The following JAK1 variants were observed in gnomAD, a reference collection of about 807,000 sequenced individuals.
JAK1 encodes tyrosine-protein kinase JAK1.
Under a neutral mutation model 136.6 loss-of-function variants are expected in JAK1, and 16 were observed. The observed-to-expected ratio is 0.12, with a 90% CI of 0.08 to 0.18. The LOEUF (loss-of-function observed/expected upper bound fraction) is 0.18, where lower values mean the gene tolerates loss of function less well. Among genes scored for constraint, JAK1 ranks in the 10% least tolerant of loss-of-function variants. The pLI, the probability that JAK1 is intolerant of heterozygous loss-of-function variation, is 1.00. For synonymous variants in JAK1, 492 were observed against 519.5 expected (o/e 0.95, Z 0.72); for missense variants, 859 against 1,450.1 (o/e 0.59, Z 6.62).
intron 12 of JAK1, among the ~76,000 whole-genome samples, chr1:64,850,520 C>T (rs1332408928): frequency 6.6e-6 from 1 of 152,218 alleles, no homozygotes; most frequent in Non-Finnish European, 1.5e-5. Flanking sequence ...CCACCTCCTG[C>T]CCTGCCACCC....
At chr1:65,052,820 T>C (rs1557776315) in intron 1 of JAK1, among the ~76,000 whole-genome samples, 1 of 132,778 alleles carries the variant, frequency 7.5e-6, no homozygotes, top group African/African-American at 3.0e-5. Flanking sequence ...AACACTCCAG[T>C]CTGGGCACTC....
At chr1:64,956,582 T>C (rs1646192130) in intron 1 of JAK1, among the ~76,000 whole-genome samples, 2 of 152,232 alleles carry the variant, frequency 1.3e-5, no homozygotes, top group Non-Finnish European at 2.9e-5. Flanking sequence ...ATTGCACTTA[T>C]CACCACCTGA....
intron 2 of JAK1, among the ~76,000 whole-genome samples, chr1:64,996,422 T>C (rs1184724883): frequency 6.6e-6 from 1 of 152,238 alleles, no homozygotes; most frequent in African/African-American, 2.4e-5. Context: ...CCCCATATTA[T>C]AGATACAGTG....
chr1:65,018,487 AAC>A (rs556710090), intron 2 of JAK1, among the ~76,000 whole-genome samples: 669 of 95,434 alleles, frequency 7.0e-3, no homozygotes, highest in South Asian at 0.013. Context: ...AGAGAGAGAG[AAC>A]ACACACACAC....
chr1:65,032,782 T>C (rs1443645541), intron 2 of JAK1, among the ~76,000 whole-genome samples: 1 of 152,204 alleles, frequency 6.6e-6, no homozygotes, highest in Non-Finnish European at 1.5e-5. Flanking sequence ...TCTATTTCTC[T>C]ATGTTAGACT....
intron 1 of JAK1, among the ~76,000 whole-genome samples, chr1:64,925,365 C>T (rs1645566327): frequency 6.6e-6 from 1 of 152,074 alleles, no homozygotes; most frequent in Non-Finnish European, 1.5e-5. Context: ...CATTGCACAC[C>T]AGCCTGGGAG....
At chr1:64,899,701 T>A (rs554635583) in intron 1 of JAK1, among the ~76,000 whole-genome samples, 4 of 152,214 alleles carry the variant, frequency 2.6e-5, no homozygotes, top group Non-Finnish European at 5.9e-5. Flanking sequence ...CCCAAAAATC[T>A]GAAATCTGAA....
At chr1:64,929,815 T>C (rs1356169162) in intron 1 of JAK1, among the ~76,000 whole-genome samples, 1 of 152,178 alleles carries the variant, frequency 6.6e-6, no homozygotes, top group Non-Finnish European at 1.5e-5. Context: ...AACGGCATGG[T>C]ACTATTACCA....
intron 14 of JAK1, 51 bp downstream of exon 14, chr1:64,846,598 C>G (rs1262870783): frequency 7.1e-7 from 1 of 1,398,738 alleles, no homozygotes. Context: ...CTCCACAGCA[C>G]CCAAGCTCCC....
In JAK1 at chr1:64,833,476, G is replaced by GAATC. The variant is rs1415014695; in HGVS notation, c.*1082_*1085dup. On this transcript the variant is annotated 3_prime_UTR_variant, in exon 25 of 25. Coordinates refer to ENST00000342505, the MANE Select transcript of JAK1 (RefSeq NM_002227.4). ...CATAAAGACCGTAATCGTTCACATTGAATCAATGACTAAACATTTTTGATT... is the reference window on the plus strand; with the variant it reads ...CATAAAGACCGTAATCGTTCACATTGAATCAATCAATGACTAAACATTTTTGATT... 1.7e-5 allele frequency: 4 copies of GAATC among 232,876 alleles called. No individual in the cohort carries two copies. The highest frequency in any genetic ancestry group is 1.7e-4 in the Admixed American group (3 of 17,750). 14.4% of individuals were successfully genotyped at this position (232,876 alleles called of 1,614,324 possible).
intron 1 of JAK1, among the ~76,000 whole-genome samples, chr1:64,915,524 C>T (rs1645379991): frequency 6.6e-6 from 1 of 152,114 alleles, no homozygotes; most frequent in Non-Finnish European, 1.5e-5. Context: ...TCCCGTTGGC[C>T]ACTCCTCTGC....
At chr1:64,966,106 C>A (rs1392529039) in intron 1 of JAK1, among the ~76,000 whole-genome samples, 2 of 151,834 alleles carry the variant, frequency 1.3e-5, no homozygotes, top group Non-Finnish European at 2.9e-5. Flanking sequence ...GGCCGGGGGC[C>A]CCCGCCCGGC....
intron 1 of JAK1, among the ~76,000 whole-genome samples, chr1:64,906,989 CA>C (rs1183913579): frequency 1.5e-5 from 2 of 130,542 alleles, no homozygotes; most frequent in Non-Finnish European, 3.2e-5. Context: ...CTTCTCTTAA[CA>C]GTGAGGAGAA....
intron 2 of JAK1, among the ~76,000 whole-genome samples, chr1:64,971,911 A>G (rs1442681796): frequency 6.6e-6 from 1 of 152,222 alleles, no homozygotes; most frequent in Non-Finnish European, 1.5e-5. Flanking sequence ...TGCCCTAAAA[A>G]ACTACACTTG....
chr1:64,886,383 T>C (rs905337270), intron 1 of JAK1, 42 bp from the exon 2 acceptor site: 4 of 1,175,312 alleles, frequency 3.4e-6, no homozygotes, highest in Admixed American at 6.1e-5. Context: ...GCAGAGGTAA[T>C]TGCATCTGAA....
chr1:64,920,803 G>A (rs1272378409), intron 1 of JAK1, among the ~76,000 whole-genome samples: 1 of 152,102 alleles, frequency 6.6e-6, no homozygotes, highest in African/African-American at 2.4e-5. Flanking sequence ...AAGGCCAATA[G>A]GGTTATAGGA....
intron 1 of JAK1, among the ~76,000 whole-genome samples, chr1:64,961,483 G>C (rs1449341806): frequency 1.3e-5 from 2 of 152,084 alleles, no homozygotes; most frequent in Non-Finnish European, 2.9e-5. Flanking sequence ...GTTCAACAGA[G>C]GCCTCAGTCC....
At chr1:64,894,692 G>A (rs1245049824) in intron 1 of JAK1, among the ~76,000 whole-genome samples, 3 of 152,082 alleles carry the variant, frequency 2.0e-5, no homozygotes, top group Admixed American at 1.3e-4. Flanking sequence ...CAGGAGAATC[G>A]CTTGAACCCG....
intron 1 of JAK1, among the ~76,000 whole-genome samples, chr1:65,056,923 T>TATA (rs1647567177): frequency 8.4e-6 from 1 of 118,748 alleles, no homozygotes; most frequent in Non-Finnish European, 1.7e-5. Flanking sequence ...ACTCTTTCTT[T>TATA]AAAAAAAAAA....
Sources: gnomAD v4.1 joint callset for allele counts (sites outside exome capture counted in the v4.1 genomes callset) on GRCh38, gnomAD v4.1.1 for gene constraint, MANE v1.5 for transcripts, NCBI Gene and HGNC (gene_info 2026-07-23, HGNC 2026-07-21) for gene names.